The following PSMF1 variants were observed in gnomAD, a reference collection of about 807,000 sequenced individuals.
The protein encoded by PSMF1 is proteasome inhibitor subunit 1.
In PSMF1, 30 loss-of-function variants were observed where a neutral mutation model predicts 29.3. The ratio of observed to expected loss-of-function variants is 1.02; its 90% CI spans 0.77 to 1.39. PSMF1 has a LOEUF of 1.39. PSMF1 is among the 40% of genes most tolerant of loss of function. PSMF1 has a pLI of 0.00. For missense variants in PSMF1, 344 were observed against 357.5 expected, an observed-to-expected ratio of 0.96 and a Z score of 0.31; for synonymous variants, 134 against 139.7, an observed-to-expected ratio of 0.96 and a Z score of 0.29.
intron 4 of PSMF1, among the ~76,000 whole-genome samples, chr20:1,141,724 A>C (rs982116288): frequency 6.6e-6 from 1 of 152,244 alleles, no homozygotes; most frequent in African/African-American, 2.4e-5. Context: ...GAAGGAAGAA[A>C]TAAACCAGTT....
At position 1,135,146 on chromosome 20, in the gene PSMF1, C is replaced by T. The variant is rs369760576; in HGVS notation, c.391C>T (p.Arg131Trp). ...HRTYKNSEEL[R>W]SRIVSGIITP... is the part of the protein sequence containing the mutation. Reference sequence around the variant, plus strand: ...GACCTACAAGAACAGTGAGGAGCTTCGGTCTCGTATTGTGTCTGGAATCAT... The same window carrying T: ...GACCTACAAGAACAGTGAGGAGCTTTGGTCTCGTATTGTGTCTGGAATCAT... The change falls in exon 4 of 7, where the codon CGG becomes TGG. Residue 131 changes from arginine (R) to tryptophan (W), a missense_variant. By Grantham distance (101) the Arg-to-Trp change is moderately radical (BLOSUM62 -3). Coordinates refer to ENST00000335877, the MANE Select transcript of PSMF1 (RefSeq NM_006814.5). 8.1e-5 allele frequency: 130 copies of T among 1,614,034 alleles called. No individual in the cohort carries two copies. Among genetic ancestry groups the T allele is most frequent in the Non-Finnish European group, 1.0e-4 (118 of 1,180,026 alleles).
In PSMF1 at chr20:1,169,042, G is replaced by C. The variant is rs1199920064; in HGVS notation, c.*3962G>C. Among the ~76,000 whole-genome samples the C allele has an allele frequency of 6.6e-6, 1 of 152,234 alleles. No homozygotes were observed. The highest frequency in any genetic ancestry group is 1.5e-5 in the Non-Finnish European group (1 of 68,042). Reference sequence around the variant, plus strand: ...CAGGCAGCTGCTGTGTGGCTCTGGAGTTCCTAATCCCCAGATTGTAGCAAT... The same window carrying C: ...CAGGCAGCTGCTGTGTGGCTCTGGACTTCCTAATCCCCAGATTGTAGCAAT... On this transcript the variant is annotated 3_prime_UTR_variant, in exon 7 of 7. Coordinates refer to ENST00000335877, the MANE Select transcript of PSMF1 (RefSeq NM_006814.5).
At chr20:1,153,289 G>A (rs1194873462) in intron 4 of PSMF1, among the ~76,000 whole-genome samples, 7 of 152,116 alleles carry the variant, frequency 4.6e-5, no homozygotes, top group Non-Finnish European at 8.8e-5. Flanking sequence ...TCAAGAGTAT[G>A]GATTTGCTTG....
At chr20:1,125,367 A>C in intron 1 of PSMF1, 131 bp from the exon 2 acceptor site, 1 of 999,130 alleles carries the variant, frequency 1.0e-6, no homozygotes, top group Non-Finnish European at 1.4e-6. Flanking sequence ...ATCTTGGGCA[A>C]GTCATTTCTC....
At chr20:1,133,571 T>TATATATATATATATATATATATATATA (rs1568469077) in intron 3 of PSMF1, among the ~76,000 whole-genome samples, 2 of 44,106 alleles carry the variant, frequency 4.5e-5, no homozygotes, top group African/African-American at 8.2e-5. Flanking sequence ...ATATATATAT[T>TATATATATATATATATATATATATATA]TTTTTTTTTT....
At chr20:1,149,271 G>T (rs1168700469) in intron 4 of PSMF1, among the ~76,000 whole-genome samples, 3 of 152,208 alleles carry the variant, frequency 2.0e-5, no homozygotes, top group Admixed American at 6.5e-5. Context: ...AGGGTTAGTT[G>T]TAATGTGGAA....
At chr20:1,147,077 C>T (rs749616958) in intron 4 of PSMF1, among the ~76,000 whole-genome samples, 3 of 152,042 alleles carry the variant, frequency 2.0e-5, no homozygotes, top group Non-Finnish European at 2.9e-5. Context: ...CAGCCCAGAG[C>T]GGGTGTTGGG....
intron 4 of PSMF1, among the ~76,000 whole-genome samples, 164 bp downstream of exon 4, chr20:1,135,470 C>G (rs187343874): frequency 6.6e-6 from 1 of 152,316 alleles, no homozygotes; most frequent in East Asian, 1.9e-4. Flanking sequence ...GTAAGTGGAG[C>G]AGTGAGTTCT....
At chr20:1,156,739 A>AT (rs745722786) in intron 4 of PSMF1, among the ~76,000 whole-genome samples, 3 of 152,206 alleles carry the variant, frequency 2.0e-5, no homozygotes, top group Non-Finnish European at 2.9e-5. Flanking sequence ...TTCATAGTCA[A>AT]TAGATCTTCT....
chr20:1,135,246 G>C lies in PSMF1; in HGVS notation c.491G>C (p.Arg164Thr). ...PHREFPPATAREVDPLRIPPH... is the reference protein window; with the variant it reads ...PHREFPPATATEVDPLRIPPH... The stretch of plus-strand genomic sequence containing the variant: ...CGGGAGTTCCCCCCTGCTACCGCCA[G>C]AGAGGTGGACCCACTCCGGATTCCT... The change falls in exon 4 of 7, where the codon AGA becomes ACA. Residue 164 changes from arginine to threonine, a missense_variant. Transcript: ENST00000335877. 6.2e-7 allele frequency: 1 copy of C among 1,614,088 alleles called. No individual in the cohort carries two copies. Among genetic ancestry groups the C allele is most frequent in the East Asian group, 2.2e-5 (1 of 44,870 alleles).
chr20:1,159,380 C>T (rs1289898925), intron 4 of PSMF1, among the ~76,000 whole-genome samples: 2 of 151,898 alleles, frequency 1.3e-5, no homozygotes, highest in Non-Finnish European at 2.9e-5. Context: ...AGGCTGGTCT[C>T]GAACTCCTGG....
chr20:1,152,209 G>C (rs1345545264), intron 4 of PSMF1, among the ~76,000 whole-genome samples: 1 of 152,202 alleles, frequency 6.6e-6, no homozygotes, highest in African/African-American at 2.4e-5. Flanking sequence ...TATCTTTTAA[G>C]CCTCATAAGA....
At chr20:1,160,628 C>T in intron 4 of PSMF1, 1 of 508,778 alleles carries the variant, frequency 2.0e-6, no homozygotes. Context: ...ATGGCTCCAG[C>T]ATGTGCAAAG....
rs2086768661 is a variant in PSMF1 at position 1,169,481 on chromosome 20, G to A, written c.*4401G>A. ...GCGTTCCAGATGAGCCACCTAAGGT[G>A]GATGTTGTGAGAGTCACAGTGGGTT... is the stretch of plus-strand genomic sequence containing the variant. On this transcript the variant is annotated 3_prime_UTR_variant, in exon 7 of 7. Coordinates refer to ENST00000335877, the MANE Select transcript of PSMF1 (RefSeq NM_006814.5). 6.6e-6 allele frequency among the ~76,000 whole-genome samples: 1 copy of A among 152,350 alleles called. No homozygotes were observed. The highest frequency in any genetic ancestry group is 1.9e-4 in the East Asian group (1 of 5,180).
At chr20:1,129,971 C>G (rs1269841919) in intron 3 of PSMF1, among the ~76,000 whole-genome samples, 4 of 152,180 alleles carry the variant, frequency 2.6e-5, no homozygotes, top group Non-Finnish European at 4.4e-5. Flanking sequence ...TATGTAAATA[C>G]AGTAGAATAT....
intron 4 of PSMF1, among the ~76,000 whole-genome samples, chr20:1,147,727 C>G (rs1262485594): frequency 2.0e-5 from 3 of 152,192 alleles, no homozygotes; most frequent in Non-Finnish European, 4.4e-5. Context: ...TTGGCCAGCC[C>G]CATTTGTCCA....
intron 1 of PSMF1, among the ~76,000 whole-genome samples, chr20:1,124,927 A>C (rs1209488300): frequency 6.6e-6 from 1 of 152,250 alleles, no homozygotes; most frequent in Non-Finnish European, 1.5e-5. Context: ...CATTTATTGG[A>C]GTATGCTACC....
chr20:1,161,261 TA>T lies in PSMF1; in HGVS notation c.552-1868del, dbSNP rs1279596478. 5 of 320,748 alleles carry T rather than the reference TA, an allele frequency of 1.6e-5. No individual in the cohort carries two copies. The East Asian group carries it at 3.6e-4, about 23-fold the overall frequency. The allele number at this position is 320,748 out of a possible 1,614,324, so 19.9% of individuals were successfully genotyped here. A position where few individuals can be genotyped will look rare whatever the true frequency, so the allele number is the denominator to read the frequency against. ...ACTTTGAGCAGGAGATGGCCACCGC[TA>T]TGTCATCCTTCTCCCTGGAGAAAAG... On this transcript the variant is annotated intron_variant, in intron 4 of 6. Coordinates refer to ENST00000335877, the MANE Select transcript of PSMF1 (RefSeq NM_006814.5).
intron 4 of PSMF1, among the ~76,000 whole-genome samples, chr20:1,145,261 AGTCCATG>A (rs1448689711): frequency 2.0e-5 from 3 of 152,200 alleles, no homozygotes; most frequent in African/African-American, 7.2e-5. Context: ...TAGATTCTTA[AGTCCATG>A]GTATTTATTC....
Sources: gnomAD v4.1 joint callset for allele counts (sites outside exome capture counted in the v4.1 genomes callset) on GRCh38, gnomAD v4.1.1 for gene constraint, MANE v1.5 for transcripts, NCBI Gene and HGNC (gene_info 2026-07-23, HGNC 2026-07-21) for gene names.